Variants in RFC3 observed in about 807,000 individuals in gnomAD.
The protein encoded by RFC3 is A1 38 kDa subunit.
Under a neutral mutation model 45.1 loss-of-function variants are expected in RFC3, and 41 were observed. The ratio of observed to expected loss-of-function variants is 0.91; its 90% CI spans 0.71 to 1.18. The LOEUF is 1.18. RFC3 is among the 50% of genes most tolerant of loss of function. RFC3 has a pLI of 0.00. For synonymous variants in RFC3, 149 were observed against 144.0 expected, an observed-to-expected ratio of 1.03 and a Z score of -0.25; for missense variants, 423 against 428.1, an observed-to-expected ratio of 0.99 and a Z score of 0.10.
At position 33,891,810 on chromosome 13, in the gene RFC3, A is replaced by AAT. The variant is rs1350753641; in HGVS notation, c.879+56604_879+56605dup. 7.9e-5 allele frequency among the ~76,000 whole-genome samples: 12 copies of AAT among 152,126 alleles called. No homozygotes were observed. In the South Asian group the frequency reaches 1.2e-3, roughly 16 times the overall value. On this transcript the variant is annotated intron_variant, in intron 8 of 8. Coordinates refer to the RFC3 transcript ENST00000434425. Reference sequence around the variant, plus strand: ...CATATAATCACATAAATACATCAAGAATATATATATATTTGCATCATATAA... The same window carrying AAT: ...CATATAATCACATAAATACATCAAGAATATATATATATATTTGCATCATATAA...
At chr13:33,899,101 C>T (rs1451843469) in intron 8 of RFC3, among the ~76,000 whole-genome samples, 4 of 147,396 alleles carry the variant, frequency 2.7e-5, no homozygotes, top group African/African-American at 9.9e-5. Flanking sequence ...ACCAATTCTA[C>T]TCAAACTAAA....
chr13:33,820,918 TA>T (rs1732754942), intron 1 of RFC3, among the ~76,000 whole-genome samples: 3 of 143,088 alleles, frequency 2.1e-5, no homozygotes, highest in Non-Finnish European at 4.7e-5. Context: ...TATATTTATA[TA>T]TATATATATA....
In RFC3 at chr13:33,867,469, C is replaced by A. The variant is rs141472602; in HGVS notation, c.879+32252C>A. 8.6e-3 allele frequency among the ~76,000 whole-genome samples: 1,311 copies of A among 152,314 alleles called. 23 individuals are homozygous for A. The highest frequency in any genetic ancestry group is 0.028 in the African/African-American group (1,149 of 41,562). On this transcript the variant is annotated intron_variant, in intron 8 of 8. Transcript: ENST00000434425. Reference sequence around the variant, plus strand: ...AGAAGAATTGGAAAGTAAACTTAATCATTTTAAGCCACACATGCTTCTGAG... The same window carrying A: ...AGAAGAATTGGAAAGTAAACTTAATAATTTTAAGCCACACATGCTTCTGAG...
intron 8 of RFC3, among the ~76,000 whole-genome samples, chr13:33,843,130 C>G (rs1447667181): frequency 6.6e-6 from 1 of 151,544 alleles, no homozygotes; most frequent in African/African-American, 2.4e-5. Context: ...TTTCTTTGTA[C>G]CTTGTTCCCA....
chr13:33,865,744 A>G (rs1431691118), intron 8 of RFC3, among the ~76,000 whole-genome samples: 1 of 152,084 alleles, frequency 6.6e-6, no homozygotes, highest in Non-Finnish European at 1.5e-5. Flanking sequence ...GTGTAAATAA[A>G]CTTTATCTGT....
chr13:33,947,562 C>G (rs987213593), intron 8 of RFC3, among the ~76,000 whole-genome samples: 1 of 152,096 alleles, frequency 6.6e-6, no homozygotes, highest in Non-Finnish European at 1.5e-5. Context: ...GAAATTGGAA[C>G]AGTTTAGAAG....
intron 8 of RFC3, among the ~76,000 whole-genome samples, chr13:33,898,795 C>A (rs542445478): frequency 6.6e-6 from 1 of 151,710 alleles, no homozygotes; most frequent in East Asian, 1.9e-4. Flanking sequence ...TAAATAAAAT[C>A]AGAAATGAAA....
intron 8 of RFC3, among the ~76,000 whole-genome samples, chr13:33,934,182 A>G (rs2082871573): frequency 6.6e-6 from 1 of 151,722 alleles, no homozygotes; most frequent in Non-Finnish European, 1.5e-5. Flanking sequence ...AAGAAAAAAA[A>G]AAAATCTGGG....
intron 2 of RFC3, 36 bp downstream of exon 2, chr13:33,821,305 A>G (rs1325470547): frequency 6.2e-7 from 1 of 1,606,124 alleles, no homozygotes; most frequent in Non-Finnish European, 8.5e-7. Flanking sequence ...AAAGTAATTT[A>G]TAGCGGGGAC....
rs2082166291 is a variant in RFC3, at chr13:33,837,492, G to A, written c.*1197G>A. On this transcript the variant is annotated 3_prime_UTR_variant, in exon 9 of 9. Transcript: ENST00000380071. ...TGGTTATTATGAATAAAGTTGCTGTGAATACTTACGTGTAAGTCTTTTTGT... is the reference window on the plus strand; with the variant it reads ...TGGTTATTATGAATAAAGTTGCTGTAAATACTTACGTGTAAGTCTTTTTGT... 6.6e-6 allele frequency: 1 copy of A among 152,094 alleles called. No homozygotes were observed. The highest frequency in any genetic ancestry group is 2.4e-5 in the African/African-American group (1 of 41,436). The allele number at this position is 152,094 out of a possible 1,614,324, so 9.4% of individuals were successfully genotyped here.
At position 33,880,492 on chromosome 13, in the gene RFC3, C is replaced by T. The variant is rs1291607329; in HGVS notation, c.879+45275C>T. 5.3e-5 allele frequency among the ~76,000 whole-genome samples: 8 copies of T among 152,200 alleles called. No individual in the cohort carries two copies. In the East Asian group the frequency reaches 1.5e-3, roughly 29 times the overall value. On this transcript the variant is annotated intron_variant, in intron 8 of 8. Coordinates refer to the RFC3 transcript ENST00000434425. ...ATATAACTTTCTGAGATGATGAGGG[C>T]GTTCTATAACTGCACAGTCCAATAA...
At chr13:33,825,334 A>G (rs1464637259) in intron 3 of RFC3, among the ~76,000 whole-genome samples, 1 of 151,478 alleles carries the variant, frequency 6.6e-6, no homozygotes, top group African/African-American at 2.4e-5. Flanking sequence ...CTGGGAGCAG[A>G]CTTCTCTTTG....
chr13:33,853,125 T>A (rs999034459), intron 8 of RFC3, among the ~76,000 whole-genome samples: 29 of 152,134 alleles, frequency 1.9e-4, no homozygotes, highest in Non-Finnish European at 1.2e-4. Context: ...TATTCCAGAT[T>A]CAAGAGAAGA....
chr13:33,855,249 T>C (rs2082301646), intron 8 of RFC3, among the ~76,000 whole-genome samples: 1 of 152,166 alleles, frequency 6.6e-6, no homozygotes, highest in African/African-American at 2.4e-5. Context: ...TTTTTCTAAG[T>C]TGATCTGATT....
intron 8 of RFC3, among the ~76,000 whole-genome samples, chr13:33,903,356 A>T (rs1172438657): frequency 3.3e-5 from 5 of 152,154 alleles, no homozygotes; most frequent in Non-Finnish European, 7.4e-5. Flanking sequence ...TATTTCCACC[A>T]TACAGAAACA....
intron 8 of RFC3, among the ~76,000 whole-genome samples, chr13:33,911,950 T>C (rs544498149): frequency 6.6e-6 from 1 of 152,190 alleles, no homozygotes; most frequent in African/African-American, 2.4e-5. Context: ...TCAGAGCTCA[T>C]CCACACTTGA....
At chr13:33,932,110 T>TA (rs1235363700) in intron 8 of RFC3, among the ~76,000 whole-genome samples, 11 of 152,132 alleles carry the variant, frequency 7.2e-5, no homozygotes, top group Admixed American at 1.3e-4. Context: ...CAGTCATGAA[T>TA]AAAACACATG....
At chr13:33,925,749 G>C (rs1235521522) in intron 8 of RFC3, among the ~76,000 whole-genome samples, 1 of 151,632 alleles carries the variant, frequency 6.6e-6, no homozygotes, top group Non-Finnish European at 1.5e-5. Flanking sequence ...GGTGGAAATA[G>C]AAAATGATGA....
intron 2 of RFC3, among the ~76,000 whole-genome samples, chr13:33,822,380 T>G (rs1046958298): frequency 3.4e-4 from 52 of 152,328 alleles, no homozygotes; most frequent in African/African-American, 1.1e-3. Flanking sequence ...CAAGTGGTTG[T>G]TACAATTGTA....
Sources: allele counts gnomAD v4.1 joint callset (sites outside exome capture counted in the v4.1 genomes callset), GRCh38; gene constraint gnomAD v4.1.1; transcripts MANE v1.5; gene names NCBI Gene and HGNC (gene_info 2026-07-23, HGNC 2026-07-21).